The following LRRC4C variants were observed in gnomAD, a reference collection of about 807,000 sequenced individuals.
LRRC4C encodes the protein leucine rich repeat containing 4C.
LRRC4C carries 5 observed loss-of-function variants against 33.6 expected under a neutral mutation model. The observed-to-expected ratio is 0.15, with a 90% CI of 0.08 to 0.31. LRRC4C has a LOEUF of 0.31. LRRC4C is among the 10% of genes least tolerant of loss of function. The probability of loss-of-function intolerance (pLI) is 1.00; values close to 1 mark genes in which losing one functional copy is unlikely to be tolerated. For synonymous variants in LRRC4C, 329 were observed against 302.0 expected (o/e 1.09, Z -0.93); for missense variants, 560 against 796.7 (o/e 0.70, Z 3.58).
In LRRC4C at chr11:40,342,475, AAAAC is replaced by A. The variant is rs917369902; in HGVS notation, c.-269-22758_-269-22755del. ...AGAGTGAGATTCTGTCTCAAAAAACAAAACAAACAAACAAAGAAAAGAAAAGGCT... is the reference window on the plus strand; with the variant it reads ...AGAGTGAGATTCTGTCTCAAAAAACAAAACAAACAAAGAAAAGAAAAGGCT... On this transcript the variant is annotated intron_variant, in intron 3 of 6. Transcript: ENST00000528697. Among the ~76,000 whole-genome samples, 36 of 152,322 alleles carry A rather than the reference AAAAC, an allele frequency of 2.4e-4. No individual in the cohort carries two copies. In the East Asian group the frequency reaches 6.6e-3, roughly 28 times the overall value.
chr11:40,408,329 G>A (rs1017717705), intron 3 of LRRC4C, among the ~76,000 whole-genome samples: 1 of 151,906 alleles, frequency 6.6e-6, no homozygotes, highest in Non-Finnish European at 1.5e-5. Context: ...TGCACTCGTA[G>A]CATTTAATTT....
At chr11:40,943,834 A>G (rs1328516736) in intron 1 of LRRC4C, among the ~76,000 whole-genome samples, 2 of 152,184 alleles carry the variant, frequency 1.3e-5, no homozygotes, top group Admixed American at 6.5e-5. Context: ...ACCGGACCTG[A>G]TAGGTCAGAT....
chr11:41,110,091 A>T (rs781772543), intron 1 of LRRC4C, among the ~76,000 whole-genome samples: 12 of 152,002 alleles, frequency 7.9e-5, no homozygotes, highest in Non-Finnish European at 1.6e-4. Context: ...GGAAGTCAGA[A>T]ATATCTACAA....
At chr11:40,841,115 A>G (rs897110380) in intron 2 of LRRC4C, among the ~76,000 whole-genome samples, 1 of 152,246 alleles carries the variant, frequency 6.6e-6, no homozygotes. Context: ...CTAATTATTT[A>G]AAACATTATT....
chr11:41,011,798 T>TAA (rs1855205857), intron 1 of LRRC4C, among the ~76,000 whole-genome samples: 5 of 53,038 alleles, frequency 9.4e-5, no homozygotes, highest in Admixed American at 9.3e-4. Context: ...GCACTTAAAA[T>TAA]TAAAAAAAAA....
At chr11:41,104,234 T>C (rs1343732840) in intron 1 of LRRC4C, among the ~76,000 whole-genome samples, 1 of 151,718 alleles carries the variant, frequency 6.6e-6, no homozygotes, top group Non-Finnish European at 1.5e-5. Context: ...AAAACGTAAA[T>C]AACCATTACA....
intron 1 of LRRC4C, among the ~76,000 whole-genome samples, chr11:41,233,336 A>G (rs1006256513): frequency 3.9e-5 from 6 of 152,190 alleles, no homozygotes; most frequent in South Asian, 4.1e-4. Context: ...AATTGTTAAT[A>G]TCAATATTAC....
rs1291703853 is a variant in LRRC4C, at chr11:41,434,300, CT to C, written c.-496+25130del. Among the ~76,000 whole-genome samples the C allele has an allele frequency of 2.0e-5, 3 of 152,182 alleles. No homozygotes were observed. In the South Asian group the frequency reaches 6.2e-4, roughly 32 times the overall value. On this transcript the variant is annotated intron_variant, in intron 1 of 6. Coordinates refer to ENST00000528697, the MANE Select transcript of LRRC4C (RefSeq NM_001258419.2). Reference sequence around the variant, plus strand: ...TGGGGTCAAGGGAAGAAAAAGACATCTGGGAATCTCTTTTTTTAATAGACTT... The same window carrying C: ...TGGGGTCAAGGGAAGAAAAAGACATCGGGAATCTCTTTTTTTAATAGACTT...
chr11:40,837,380 T>G (rs1407719650), intron 2 of LRRC4C, among the ~76,000 whole-genome samples: 1 of 152,164 alleles, frequency 6.6e-6, no homozygotes, highest in African/African-American at 2.4e-5. Context: ...CAATTTATGT[T>G]TAGGATAAAT....
intron 3 of LRRC4C, among the ~76,000 whole-genome samples, chr11:40,594,956 A>T (rs1422299882): frequency 1.3e-5 from 2 of 152,150 alleles, no homozygotes; most frequent in East Asian, 3.8e-4. Flanking sequence ...ACACAAAAAG[A>T]TTATAATAGA....
chr11:41,257,840 A>G (rs908233186), intron 1 of LRRC4C, among the ~76,000 whole-genome samples: 5 of 152,052 alleles, frequency 3.3e-5, no homozygotes, highest in African/African-American at 1.2e-4. Context: ...CACTGTTTTC[A>G]TGAAAATTTA....
chr11:41,065,260 C>T (rs1938142989), intron 1 of LRRC4C, among the ~76,000 whole-genome samples: 1 of 152,122 alleles, frequency 6.6e-6, no homozygotes, highest in Admixed American at 6.5e-5. Context: ...GGTGGTTTTC[C>T]CCTGACAGCT....
At chr11:40,550,035 C>T (rs1014970723) in intron 3 of LRRC4C, among the ~76,000 whole-genome samples, 2 of 152,090 alleles carry the variant, frequency 1.3e-5, no homozygotes, top group East Asian at 3.9e-4. Context: ...TCATCTTCAC[C>T]TCATGTCTCC....
chr11:40,150,731 C>G (rs561241491), intron 5 of LRRC4C, among the ~76,000 whole-genome samples: 8 of 152,156 alleles, frequency 5.3e-5, no homozygotes, highest in Admixed American at 4.6e-4. Context: ...CATGAGCCAC[C>G]GTGCCCAGCC....
At chr11:40,682,930 G>A (rs1049441223) in intron 2 of LRRC4C, among the ~76,000 whole-genome samples, 3 of 152,020 alleles carry the variant, frequency 2.0e-5, no homozygotes, top group African/African-American at 7.2e-5. Flanking sequence ...TGTTCCCCAC[G>A]TCCAAAGGCA....
intron 5 of LRRC4C, among the ~76,000 whole-genome samples, chr11:40,179,427 G>C (rs1860796583): frequency 6.6e-6 from 1 of 152,148 alleles, no homozygotes; most frequent in South Asian, 2.1e-4. Flanking sequence ...CATCAGGAAA[G>C]TAAAAATAAT....
intron 4 of LRRC4C, among the ~76,000 whole-genome samples, chr11:40,316,037 A>G (rs761988469): frequency 6.6e-6 from 1 of 152,032 alleles, no homozygotes; most frequent in Non-Finnish European, 1.5e-5. Flanking sequence ...ATTAGATCTA[A>G]TAACTATTTT....
At chr11:41,147,949 G>A (rs954324984) in intron 1 of LRRC4C, among the ~76,000 whole-genome samples, 1 of 152,048 alleles carries the variant, frequency 6.6e-6, no homozygotes, top group Non-Finnish European at 1.5e-5. Context: ...AAAATTAGCT[G>A]GGCGTGGTGG....
At chr11:40,201,769 C>G (rs954304921) in intron 5 of LRRC4C, among the ~76,000 whole-genome samples, 1 of 152,128 alleles carries the variant, frequency 6.6e-6, no homozygotes, top group African/African-American at 2.4e-5. Flanking sequence ...GTGCTTGTCT[C>G]CACAGCTACA....
Sources: allele counts gnomAD v4.1 joint callset (sites outside exome capture counted in the v4.1 genomes callset), GRCh38; gene constraint gnomAD v4.1.1; transcripts MANE v1.5; gene names NCBI Gene and HGNC (gene_info 2026-07-23, HGNC 2026-07-21).